Variants in TPRG1 observed in about 807,000 individuals in gnomAD.
The protein encoded by TPRG1 is tumor protein p63 regulated 1.
In TPRG1, 29 loss-of-function variants were observed where a neutral mutation model predicts 29.3. The observed-to-expected ratio is 0.99, with a 90% CI of 0.74 to 1.35. TPRG1 has a LOEUF of 1.35. TPRG1 is among the 40% of genes most tolerant of loss of function. The pLI, the probability that TPRG1 is intolerant of heterozygous loss-of-function variation, is 0.00. For missense variants in TPRG1, 327 were observed against 335.0 expected (o/e 0.98, Z 0.19); for synonymous variants, 130 against 116.8 (o/e 1.11, Z -0.73).
chr3:189,186,235 A>G (rs1203908967), intron 1 of TPRG1, among the ~76,000 whole-genome samples: 3 of 152,208 alleles, frequency 2.0e-5, no homozygotes, highest in African/African-American at 7.2e-5. Flanking sequence ...AGAAAAGTCA[A>G]TGATGACCCG....
intron 4 of TPRG1, among the ~76,000 whole-genome samples, chr3:189,035,846 G>C (rs849006): frequency 6.6e-6 from 1 of 151,998 alleles, no homozygotes; most frequent in African/African-American, 2.4e-5. Flanking sequence ...TGCATCTAGC[G>C]TGGAAAGTAG....
At chr3:189,004,114 C>A (rs1430965567) in intron 2 of TPRG1, among the ~76,000 whole-genome samples, 1 of 152,080 alleles carries the variant, frequency 6.6e-6, no homozygotes, top group Admixed American at 6.6e-5. Context: ...ACCAGGTTTT[C>A]TTTAATTTCA....
At chr3:189,299,649 A>G (rs967576007) in intron 4 of TPRG1, among the ~76,000 whole-genome samples, 3 of 149,394 alleles carry the variant, frequency 2.0e-5, no homozygotes, top group Admixed American at 2.0e-4. Context: ...TTTTTACAGT[A>G]AAGATCATGG....
chr3:189,220,022 C>A (rs1736712633), intron 3 of TPRG1, among the ~76,000 whole-genome samples: 1 of 152,114 alleles, frequency 6.6e-6, no homozygotes, highest in African/African-American at 2.4e-5. Flanking sequence ...AATTCACAAT[C>A]AGAAGGTTTG....
At chr3:189,101,222 A>G (rs1560445727) in intron 1 of TPRG1, among the ~76,000 whole-genome samples, 1 of 152,028 alleles carries the variant, frequency 6.6e-6, no homozygotes. Context: ...TAGTCTCTTT[A>G]TAGAGTTCCT....
chr3:189,316,796 G>C (rs1248455219), intron 5 of TPRG1, among the ~76,000 whole-genome samples: 2 of 152,166 alleles, frequency 1.3e-5, no homozygotes, highest in African/African-American at 4.8e-5. Flanking sequence ...GTGCATAAAA[G>C]CTTTTAGGGA....
At chr3:189,097,025 T>G (rs975412455), upstream of TPRG1, among the ~76,000 whole-genome samples, 1 of 152,218 alleles carries the variant, frequency 6.6e-6, no homozygotes, top group Non-Finnish European at 1.5e-5. Flanking sequence ...AATTTACTAG[T>G]GCATCTTGCA....
chr3:189,270,043 CTTCTTCTTCTTCTTCTTT>C (rs1377113791), intron 4 of TPRG1, among the ~76,000 whole-genome samples: 3 of 151,326 alleles, frequency 2.0e-5, no homozygotes, highest in Admixed American at 6.6e-5. Context: ...TCTTCTTCTT[CTTCTTCTTCTTCTTCTTT>C]TTTGTCTGTA....
intron 2 of TPRG1, among the ~76,000 whole-genome samples, chr3:189,001,076 C>T (rs956108198): frequency 5.9e-5 from 9 of 152,100 alleles, no homozygotes; most frequent in African/African-American, 2.2e-4. Context: ...TTATTCCTCA[C>T]TTCAAAATGA....
At chr3:189,236,510 A>T (rs184838813) in intron 3 of TPRG1, among the ~76,000 whole-genome samples, 22 of 152,232 alleles carry the variant, frequency 1.4e-4, no homozygotes, top group Non-Finnish European at 4.4e-5. Context: ...CTCAAAGTGG[A>T]GGAGGAGGAG....
At chr3:189,275,696 T>A (rs2109106796) in intron 4 of TPRG1, among the ~76,000 whole-genome samples, 1 of 152,212 alleles carries the variant, frequency 6.6e-6, no homozygotes. Flanking sequence ...AGGCTTTGAA[T>A]GCCAGTGTAA....
chr3:189,039,816 A>G (rs549495500), intron 4 of TPRG1, among the ~76,000 whole-genome samples: 1 of 149,250 alleles, frequency 6.7e-6, no homozygotes, highest in South Asian at 2.2e-4. Flanking sequence ...AAAGGAGATC[A>G]TTCTGATATC....
chr3:189,125,858 TGTGTGTG>T (rs1722410422), intron 1 of TPRG1, among the ~76,000 whole-genome samples: 1 of 147,254 alleles, frequency 6.8e-6, no homozygotes, highest in East Asian at 1.9e-4. Context: ...TGTGTGTGTG[TGTGTGTG>T]TGTGTGTTTG....
chr3:189,014,945 C>T (rs955727151), intron 3 of TPRG1, among the ~76,000 whole-genome samples: 1 of 152,184 alleles, frequency 6.6e-6, no homozygotes, highest in East Asian at 1.9e-4. Flanking sequence ...TATAAAGATA[C>T]TTGAAAATGT....
At chr3:189,209,793 T>C (rs1487875770) in intron 2 of TPRG1, among the ~76,000 whole-genome samples, 1 of 152,160 alleles carries the variant, frequency 6.6e-6, no homozygotes, top group Non-Finnish European at 1.5e-5. Flanking sequence ...TCTTTTTCAT[T>C]AGGTGTATCG....
intron 4 of TPRG1, among the ~76,000 whole-genome samples, chr3:189,037,670 G>A (rs1357329380): frequency 6.6e-6 from 1 of 151,792 alleles, no homozygotes; most frequent in Non-Finnish European, 1.5e-5. Flanking sequence ...GCTGGAAGAT[G>A]AAAGAGCTTC....
At chr3:189,081,616 G>A (rs1717599719) in intron 4 of TPRG1, among the ~76,000 whole-genome samples, 1 of 152,098 alleles carries the variant, frequency 6.6e-6, no homozygotes, top group Non-Finnish European at 1.5e-5. Flanking sequence ...CACCTTACAT[G>A]GTTCACTTTG....
In TPRG1 at chr3:189,322,237, T is replaced by C. The variant is rs1188354408; in HGVS notation, c.*1417T>C. The stretch of plus-strand genomic sequence containing the variant: ...TGACTTTTATGTGAAGTTTAAAGTC[T>C]TTTCTTTGAAAAGCTTGCTTCCTCA... On this transcript the variant is annotated 3_prime_UTR_variant, in exon 6 of 6. Transcript: ENST00000345063. 1 of 152,206 alleles carries C rather than the reference T, an allele frequency of 6.6e-6. No individual in the cohort carries two copies. Among genetic ancestry groups the C allele is most frequent in the Non-Finnish European group, 1.5e-5 (1 of 68,016 alleles). 9.4% of individuals were successfully genotyped at this position (152,206 alleles called of 1,614,324 possible). A position where few individuals can be genotyped will look rare whatever the true frequency, so the allele number is the denominator to read the frequency against.
At chr3:189,220,279 G>GAT (rs35296198) in intron 3 of TPRG1, among the ~76,000 whole-genome samples, 98,011 of 150,192 alleles carry the variant, frequency 0.65, 32,982 homozygotes, top group African/African-American at 0.84. Context: ...TTTAATTTTT[G>GAT]ATATATATAT....
Sources: allele counts gnomAD v4.1 joint callset (sites outside exome capture counted in the v4.1 genomes callset), GRCh38; gene constraint gnomAD v4.1.1; transcripts MANE v1.5; gene names NCBI Gene and HGNC (gene_info 2026-07-23, HGNC 2026-07-21).